Variants in SCML2 observed in about 807,000 individuals in gnomAD.
SCML2 encodes sex comb on midleg-like protein 2.
In SCML2, 6 loss-of-function variants were observed where a neutral mutation model predicts 48.4. The observed-to-expected ratio is 0.12, with a 90% CI of 0.07 to 0.24. The LOEUF is 0.24. Ranked by LOEUF, SCML2 falls within the 10% of genes least tolerant of loss-of-function variation. SCML2 has a pLI of 1.00. For synonymous variants in SCML2, 181 were observed against 189.5 expected (o/e 0.95, Z 0.37); for missense variants, 377 against 528.2 (o/e 0.71, Z 2.81).
At chrX:18,248,609 A>C (rs1926535640) in intron 11 of SCML2, among the ~76,000 whole-genome samples, 1 of 112,224 alleles carries the variant, frequency 8.9e-6, no homozygotes, top group Non-Finnish European at 1.9e-5. Flanking sequence ...TCTTATGATG[A>C]GCAACCTTTA....
intron 1 of SCML2, among the ~76,000 whole-genome samples, chrX:18,349,626 A>G (rs1287557940): frequency 9.0e-6 from 1 of 111,447 alleles, no homozygotes; most frequent in African/African-American, 3.3e-5. Flanking sequence ...CCCCGTCCCT[A>G]CTAAAATTAT....
intron 10 of SCML2, 117 bp from the exon 11 acceptor site, chrX:18,257,147 T>A: frequency 2.2e-6 from 1 of 446,814 alleles, no homozygotes; most frequent in Non-Finnish European, 3.6e-6. Flanking sequence ...GTGTTCTTTG[T>A]AATTCATAAA....
intron 7 of SCML2, among the ~76,000 whole-genome samples, chrX:18,299,734 CTTT>C (rs145767290): frequency 1.0e-5 from 1 of 97,031 alleles, no homozygotes. Context: ...AAAGGGAACT[CTTT>C]TTTTTTTTTT....
At chrX:18,251,075 G>T (rs1926640633) in intron 11 of SCML2, among the ~76,000 whole-genome samples, 2 of 109,787 alleles carry the variant, frequency 1.8e-5, no homozygotes, top group South Asian at 3.9e-4. Flanking sequence ...CATGACCTGT[G>T]GGGATTATGG....
At chrX:18,301,563 A>G (rs143595637) in intron 7 of SCML2, among the ~76,000 whole-genome samples, 11 of 111,646 alleles carry the variant, frequency 9.9e-5, no homozygotes, top group Non-Finnish European at 7.5e-5. Flanking sequence ...CTTGAGTCCA[A>G]TAGTTCAAGA....
intron 11 of SCML2, among the ~76,000 whole-genome samples, chrX:18,256,297 C>G (rs141804802): frequency 3.1e-3 from 344 of 110,963 alleles, no homozygotes; most frequent in African/African-American, 0.011. Flanking sequence ...ACTAAAAATA[C>G]AAAAATTAGC....
rs2073036354 is a variant in SCML2, at chrX:18,265,797, T to A, written c.736A>T (p.Ile246Phe). The A allele has an allele frequency of 8.4e-7, 1 of 1,185,864 alleles. No individual in the cohort carries two copies. Among genetic ancestry groups the A allele is most frequent in the African/African-American group, 1.8e-5 (1 of 56,404 alleles). The stretch of plus-strand genomic sequence containing the variant: ...TCTGTTTTTGCTATATTCTTTACAA[T>A]AGGAACTGAGGAAAAAAATACAAAA... Reference protein sequence around the residue: ...VLQPPGTSVPIVKNIAKTESS... With the variant: ...VLQPPGTSVPFVKNIAKTESS... The change falls in exon 8 of 15, where the codon ATT (isoleucine) becomes TTT (phenylalanine). Residue 246 changes from isoleucine to phenylalanine, a missense_variant. By Grantham distance (21) the Ile-to-Phe change is conservative. Transcript: ENST00000251900.
chrX:18,299,042 C>A (rs2147516902), intron 7 of SCML2, among the ~76,000 whole-genome samples: 1 of 111,240 alleles, frequency 9.0e-6, no homozygotes, highest in African/African-American at 3.3e-5. Context: ...CAAAAACAGA[C>A]AAGTGGGACT....
intron 1 of SCML2, among the ~76,000 whole-genome samples, chrX:18,343,190 T>C (rs1930075285): frequency 9.1e-6 from 1 of 109,390 alleles, no homozygotes; most frequent in Admixed American, 9.9e-5. Context: ...TTATTTTGTT[T>C]TGTTTTTAAG....
At chrX:18,254,238 C>G (rs1270509164) in intron 11 of SCML2, among the ~76,000 whole-genome samples, 2 of 112,193 alleles carry the variant, frequency 1.8e-5, no homozygotes. Flanking sequence ...GAAGAGCACT[C>G]TATCTTAAAC....
At chrX:18,346,062 C>T (rs760345235) in intron 1 of SCML2, among the ~76,000 whole-genome samples, 1 of 110,944 alleles carries the variant, frequency 9.0e-6, no homozygotes, top group East Asian at 2.8e-4. Context: ...AGCCACGGCG[C>T]TCGGCCGAGA....
chrX:18,312,537 TG>T (rs764032209), intron 6 of SCML2, among the ~76,000 whole-genome samples: 28 of 111,358 alleles, frequency 2.5e-4, no homozygotes, highest in Non-Finnish European at 4.3e-4. Context: ...ATTTTGGGTT[TG>T]TTTTTTTTTA....
Position 18,282,416 on chromosome X carries a change from T to C in SCML2, c.731-16614A>G, listed in dbSNP as rs754328013. 9.9e-5 allele frequency among the ~76,000 whole-genome samples: 11 copies of C among 110,859 alleles called. No individual in the cohort carries two copies. The South Asian group carries it at 2.3e-3, about 23-fold the overall frequency. On this transcript the variant is annotated intron_variant, in intron 7 of 14. Coordinates refer to ENST00000251900, the MANE Select transcript of SCML2 (RefSeq NM_006089.3). Reference sequence around the variant, plus strand: ...ACTTTGGGAGGCCGAGGTGAGTAGATTGCTTGAATCCAGGAGTTCGAGACC... The same window carrying C: ...ACTTTGGGAGGCCGAGGTGAGTAGACTGCTTGAATCCAGGAGTTCGAGACC...
At chrX:18,330,803 T>C in intron 2 of SCML2, 148 bp from the exon 3 acceptor site, 1 of 358,056 alleles carries the variant, frequency 2.8e-6, no homozygotes, top group Non-Finnish European at 4.9e-6. Context: ...TTTTCTAATG[T>C]ACTATGCATT....
chrX:18,247,235 G>A (rs963777871), intron 12 of SCML2, among the ~76,000 whole-genome samples: 1 of 111,143 alleles, frequency 9.0e-6, no homozygotes, highest in Non-Finnish European at 1.9e-5. Context: ...GACCTCAGAT[G>A]ATCCACCCGA....
At chrX:18,252,841 T>C (rs753784945) in intron 11 of SCML2, among the ~76,000 whole-genome samples, 31 of 112,136 alleles carry the variant, frequency 2.8e-4, no homozygotes, top group South Asian at 3.7e-4. Context: ...AATCAGAAAC[T>C]CAAACTCAGC....
intron 11 of SCML2, among the ~76,000 whole-genome samples, chrX:18,255,327 G>A (rs1926801797): frequency 8.9e-6 from 1 of 112,020 alleles, no homozygotes; most frequent in Admixed American, 9.5e-5. Context: ...TTGTCTATGG[G>A]CACATAGCTA....
chrX:18,352,554 A>ATT (rs762915406), intron 1 of SCML2, among the ~76,000 whole-genome samples: 1 of 111,949 alleles, frequency 8.9e-6, no homozygotes, highest in Non-Finnish European at 1.9e-5. Context: ...ATTCGTATTG[A>ATT]TTTTTTTAGC....
At chrX:18,298,340 A>G (rs1443059729) in intron 7 of SCML2, among the ~76,000 whole-genome samples, 1 of 112,008 alleles carries the variant, frequency 8.9e-6, no homozygotes, top group East Asian at 2.8e-4. Context: ...AGAGAGCAGT[A>G]TCACACCACC....
Sources: gnomAD v4.1 joint callset for allele counts (sites outside exome capture counted in the v4.1 genomes callset) on GRCh38, gnomAD v4.1.1 for gene constraint, MANE v1.5 for transcripts, NCBI Gene and HGNC (gene_info 2026-07-23, HGNC 2026-07-21) for gene names.